Variants in IGSF3 observed in about 807,000 individuals in gnomAD.
IGSF3 encodes the protein immunoglobulin superfamily member 3.
In IGSF3, 23 loss-of-function variants were observed where a neutral mutation model predicts 114.4. That is an observed-to-expected ratio of 0.20 (90% confidence interval 0.14 to 0.28). IGSF3 has a LOEUF of 0.28. Among genes scored for constraint, IGSF3 ranks in the 10% least tolerant of loss-of-function variants. IGSF3 has a pLI of 1.00. For synonymous variants in IGSF3, 571 were observed against 645.2 expected, an observed-to-expected ratio of 0.88 and a Z score of 1.74; for missense variants, 1,172 against 1,591.5, an observed-to-expected ratio of 0.74 and a Z score of 4.48.
rs938928565 is a variant in IGSF3, at chr1:116,615,656, A to C, written c.421+424T>G. On this transcript the variant is annotated intron_variant, in intron 3 of 10. Transcript: ENST00000369486. This position sits in a 1 kb window ranked among gnomAD's most constrained non-coding sequence, Gnocchi z 4.3. ...AAGGTCTGAGCAAGGACCCACAGCCACATGTGCTTCCTGCTTCAGCAGTGC... is the reference window on the plus strand; with the variant it reads ...AAGGTCTGAGCAAGGACCCACAGCCCCATGTGCTTCCTGCTTCAGCAGTGC... Among the ~76,000 whole-genome samples the C allele has an allele frequency of 2.6e-5, 4 of 152,338 alleles. No homozygotes were observed. The highest frequency in any genetic ancestry group is 1.3e-4 in the Admixed American group (2 of 15,306).
chr1:116,641,358 T>C (rs1648087240), intron 2 of IGSF3, among the ~76,000 whole-genome samples: 1 of 150,996 alleles, frequency 6.6e-6, no homozygotes, highest in Admixed American at 6.6e-5. Context: ...TAGCCGGGTA[T>C]GGTGGCGTGT....
chr1:116,607,878 C>CT lies in IGSF3; in HGVS notation c.1222+63_1222+64insA, dbSNP rs1660850281. ...TCACCTTCACCACGCTATTCTCTCTCCCCCTACCTCTCCTAAATGATGCTG... is the reference window on the plus strand; with the variant it reads ...TCACCTTCACCACGCTATTCTCTCTCTCCCCTACCTCTCCTAAATGATGCTG... On this transcript the variant is annotated intron_variant, in intron 5 of 10. Transcript: ENST00000369486. This position sits in a 1 kb window ranked among gnomAD's most constrained non-coding sequence, Gnocchi z 6.1. 6.6e-7 allele frequency: 1 copy of CT among 1,503,882 alleles called. No homozygotes were observed. Among genetic ancestry groups the CT allele is most frequent in the Non-Finnish European group, 9.1e-7 (1 of 1,093,256 alleles). The allele number at this position is 1,503,882 out of a possible 1,614,324, so 93.2% of individuals were successfully genotyped here. A position where few individuals can be genotyped will look rare whatever the true frequency, so the allele number is the denominator to read the frequency against.
At chr1:116,645,320 G>A (rs1224904429) in intron 2 of IGSF3, among the ~76,000 whole-genome samples, 5 of 152,236 alleles carry the variant, frequency 3.3e-5, no homozygotes, top group South Asian at 2.1e-4. Flanking sequence ...GTAGTGGCAG[G>A]ATTCAGGTCC....
chr1:116,609,521 C>T (rs1223530622), intron 4 of IGSF3, among the ~76,000 whole-genome samples: 1 of 152,066 alleles, frequency 6.6e-6, no homozygotes, highest in Non-Finnish European at 1.5e-5. Flanking sequence ...AGACAGCTAT[C>T]GTATCTCATA....
Position 116,638,155 on chromosome 1 carries a change from G to A in IGSF3, c.44-21698C>T, listed in dbSNP as rs1252609387. ...ACCCTCACTCTTTTTGTGGTTTCCT[G>A]CAGTCTAACTAGCTACAAATCTCAA... On this transcript the variant is annotated intron_variant, in intron 2 of 10. Transcript: ENST00000369486. The surrounding 1 kb of genome is among the most constrained non-coding windows in gnomAD (Gnocchi z 4.1). Among the ~76,000 whole-genome samples the A allele has an allele frequency of 2.0e-5, 3 of 152,070 alleles. No homozygotes were observed. Among genetic ancestry groups the A allele is most frequent in the African/African-American group, 7.2e-5 (3 of 41,418 alleles).
intron 2 of IGSF3, among the ~76,000 whole-genome samples, chr1:116,626,516 C>A (rs2101032927): frequency 6.6e-6 from 1 of 151,872 alleles, no homozygotes; most frequent in Middle Eastern, 3.4e-3. Flanking sequence ...TTTCTATAAC[C>A]AACAAGCCCA....
rs939933594 is a variant in IGSF3, at chr1:116,638,210, T to C, written c.44-21753A>G. Reference sequence around the variant, plus strand: ...AAAGATTGTAGCTCCCTCTCTTTTGTTCTTTCATCAAGCCAGGGACTCCTG... The same window carrying C: ...AAAGATTGTAGCTCCCTCTCTTTTGCTCTTTCATCAAGCCAGGGACTCCTG... On this transcript the variant is annotated intron_variant, in intron 2 of 10. Coordinates refer to ENST00000369486, the MANE Select transcript of IGSF3 (RefSeq NM_001007237.3). The surrounding 1 kb of genome is among the most constrained non-coding windows in gnomAD (Gnocchi z 4.1). Among the ~76,000 whole-genome samples the C allele has an allele frequency of 6.6e-6, 1 of 152,204 alleles. No homozygotes were observed. Among genetic ancestry groups the C allele is most frequent in the African/African-American group, 2.4e-5 (1 of 41,446 alleles).
At chr1:116,622,406 T>C (rs1661453167) in intron 2 of IGSF3, among the ~76,000 whole-genome samples, 1 of 151,838 alleles carries the variant, frequency 6.6e-6, no homozygotes, top group Admixed American at 6.6e-5. Context: ...TACAAGAACA[T>C]TAAAAAGAAC....
In IGSF3 at chr1:116,650,827, G is replaced by C. The variant is rs1271040018; in HGVS notation, c.43+15457C>G. 6.6e-6 allele frequency among the ~76,000 whole-genome samples: 1 copy of C among 152,178 alleles called. No individual in the cohort carries two copies. The highest frequency in any genetic ancestry group is 2.4e-5 in the African/African-American group (1 of 41,434). The stretch of plus-strand genomic sequence containing the variant: ...ATTGGACATGTGTGCACAGAAAATG[G>C]AAAAAGAGCCATGAAATCCAAACAG... On this transcript the variant is annotated intron_variant, in intron 2 of 10. Transcript: ENST00000369486. The surrounding 1 kb of genome is among the most constrained non-coding windows in gnomAD (Gnocchi z 5.0).
rs1342143837 is a variant in IGSF3 at position 116,610,336 on chromosome 1, T to C, written c.833-2005A>G. Reference sequence around the variant, plus strand: ...TGGCTGTAACTCTGGCTTTCTTCTTTCGGCGGCCAAAGACTCTTCTCATCT... The same window carrying C: ...TGGCTGTAACTCTGGCTTTCTTCTTCCGGCGGCCAAAGACTCTTCTCATCT... On this transcript the variant is annotated intron_variant, in intron 4 of 10. Transcript: ENST00000369486. This position sits in a 1 kb window ranked among gnomAD's most constrained non-coding sequence, Gnocchi z 4.3. 6.6e-6 allele frequency among the ~76,000 whole-genome samples: 1 copy of C among 152,186 alleles called. No individual in the cohort carries two copies. Among genetic ancestry groups the C allele is most frequent in the Non-Finnish European group, 1.5e-5 (1 of 68,032 alleles).
At chr1:116,619,856 T>C (rs989891049) in intron 2 of IGSF3, among the ~76,000 whole-genome samples, 3 of 151,980 alleles carry the variant, frequency 2.0e-5, no homozygotes, top group Non-Finnish European at 1.5e-5. Context: ...TTCTGTAACA[T>C]AGAAAGAAAG....
At position 116,661,637 on chromosome 1, in the gene IGSF3, A is replaced by T. The variant is rs1053796648; in HGVS notation, c.43+4647T>A. On this transcript the variant is annotated intron_variant, in intron 2 of 10. Coordinates refer to ENST00000369486, the MANE Select transcript of IGSF3 (RefSeq NM_001007237.3). This position sits in a 1 kb window ranked among gnomAD's most constrained non-coding sequence, Gnocchi z 4.0. ...AGCTTATTAGATGTAAGAACACAGG[A>T]TTTGGAACCAAATGGTCCTGGCTTC... 3.9e-5 allele frequency among the ~76,000 whole-genome samples: 6 copies of T among 152,186 alleles called. No individual in the cohort carries two copies. Among genetic ancestry groups the T allele is most frequent in the African/African-American group, 1.2e-4 (5 of 41,432 alleles).
In IGSF3 at chr1:116,608,498, T is replaced by A. The variant is rs1207144077; in HGVS notation, c.833-167A>T. On this transcript the variant is annotated intron_variant, in intron 4 of 10. Transcript: ENST00000369486. Reference sequence around the variant, plus strand: ...TAAAATCCAACTCAGACCCAGGTTATCTAAGGTCCAGAGAAACGCCTGAAT... The same window carrying A: ...TAAAATCCAACTCAGACCCAGGTTAACTAAGGTCCAGAGAAACGCCTGAAT... Among the ~76,000 whole-genome samples the A allele has an allele frequency of 2.6e-5, 4 of 152,148 alleles. No homozygotes were observed. In the East Asian group the frequency reaches 7.7e-4, roughly 29 times the overall value.
At position 116,588,425 on chromosome 1, in the gene IGSF3, C is replaced by T. The variant is rs1281415635; in HGVS notation, c.2440+269G>A. Among the ~76,000 whole-genome samples the T allele has an allele frequency of 1.3e-5, 2 of 152,166 alleles. No homozygotes were observed. Among genetic ancestry groups the T allele is most frequent in the African/African-American group, 2.4e-5 (1 of 41,440 alleles). On this transcript the variant is annotated intron_variant, in intron 8 of 10. Transcript: ENST00000369486. This position sits in a 1 kb window ranked among gnomAD's most constrained non-coding sequence, Gnocchi z 4.9. The stretch of plus-strand genomic sequence containing the variant: ...CCCTGCCTTGCCACATTTTGCTAAC[C>T]ACAGCTGCCCTGCTCCTTGGTGAAG...
At position 116,607,524 on chromosome 1, in the gene IGSF3, A is replaced by G. The variant is rs1488654106; in HGVS notation, c.1222+418T>C. Among the ~76,000 whole-genome samples the G allele has an allele frequency of 6.6e-6, 1 of 152,352 alleles. No individual in the cohort carries two copies. The highest frequency in any genetic ancestry group is 6.5e-5 in the Admixed American group (1 of 15,308). On this transcript the variant is annotated intron_variant, in intron 5 of 10. Coordinates refer to ENST00000369486, the MANE Select transcript of IGSF3 (RefSeq NM_001007237.3). This position sits in a 1 kb window ranked among gnomAD's most constrained non-coding sequence, Gnocchi z 6.1. Reference sequence around the variant, plus strand: ...ACTTTATGATTTAAAATCCTCCCATAAAAGACCAACTCTCCTTAAGTGAGA... The same window carrying G: ...ACTTTATGATTTAAAATCCTCCCATGAAAGACCAACTCTCCTTAAGTGAGA...
Position 116,654,631 on chromosome 1 carries a change from C to T in IGSF3, c.43+11653G>A, listed in dbSNP as rs1032353319. 1.3e-5 allele frequency among the ~76,000 whole-genome samples: 2 copies of T among 152,140 alleles called. No homozygotes were observed. Among genetic ancestry groups the T allele is most frequent in the African/African-American group, 2.4e-5 (1 of 41,406 alleles). On this transcript the variant is annotated intron_variant, in intron 2 of 10. Transcript: ENST00000369486. This position sits in a 1 kb window ranked among gnomAD's most constrained non-coding sequence, Gnocchi z 4.4. Reference sequence around the variant, plus strand: ...GATGGATTGGCCTTATACTCACCACCCCCCATACGAGGCTCCTCTGGTATG... The same window carrying T: ...GATGGATTGGCCTTATACTCACCACTCCCCATACGAGGCTCCTCTGGTATG...
intron 2 of IGSF3, among the ~76,000 whole-genome samples, chr1:116,656,405 A>G (rs1402080494): frequency 1.5e-5 from 2 of 137,790 alleles, no homozygotes; most frequent in Non-Finnish European, 3.0e-5. Flanking sequence ...GGTTCACACC[A>G]TTCTCCTGCC....
intron 2 of IGSF3, among the ~76,000 whole-genome samples, chr1:116,645,912 C>T (rs1648346309): frequency 6.6e-6 from 1 of 152,178 alleles, no homozygotes; most frequent in African/African-American, 2.4e-5. Context: ...CTGGTGGGGC[C>T]CTGGAAGCCA....
At position 116,616,327 on chromosome 1, in the gene IGSF3, G is replaced by A; in HGVS notation, c.174C>T (p.Ser58=). Residue 58 remains serine, a synonymous_variant, in exon 3 of 11, where the codon TCC becomes TCT. Coordinates refer to ENST00000369486, the MANE Select transcript of IGSF3 (RefSeq NM_001007237.3). This position sits in a 1 kb window ranked among gnomAD's most constrained non-coding sequence, Gnocchi z 6.6. ...QGPSEQNFQW[S]IYLPSSPERE... is the part of the protein sequence containing the mutation. ...GCTCTGGCGACGAAGGCAGGTAAAT[G>A]GACCACTGGAAATTCTGCTCAGAAG... is the stretch of plus-strand genomic sequence containing the variant. 10 of 1,612,166 alleles carry A rather than the reference G, an allele frequency of 6.2e-6. No homozygotes were observed. In the South Asian group the frequency reaches 8.8e-5, roughly 14 times the overall value.
Sources: allele counts gnomAD v4.1 joint callset (sites outside exome capture counted in the v4.1 genomes callset), GRCh38; gene constraint gnomAD v4.1.1; non-coding constraint Gnocchi (gnomAD v3.1); transcripts MANE v1.5; gene names NCBI Gene and HGNC (gene_info 2026-07-23, HGNC 2026-07-21).